Variants in FEM1B observed in about 807,000 individuals in gnomAD.
FEM1B encodes the protein fem-1 homolog B.
FEM1B carries 10 observed loss-of-function variants against 38.6 expected under a neutral mutation model. The ratio of observed to expected loss-of-function variants is 0.26; its 90% CI spans 0.16 to 0.44. The LOEUF (loss-of-function observed/expected upper bound fraction) is 0.44. Ranked by LOEUF, FEM1B falls within the 20% of genes least tolerant of loss-of-function variation. FEM1B has a pLI of 1.00. For synonymous variants in FEM1B, 288 were observed against 288.0 expected (o/e 1.00, Z 0.00); for missense variants, 471 against 786.7 (o/e 0.60, Z 4.80).
At chr15:68,285,202 TTTC>T (rs1892772933) in intron 1 of FEM1B, among the ~76,000 whole-genome samples, 1 of 152,316 alleles carries the variant, frequency 6.6e-6, no homozygotes, top group East Asian at 1.9e-4. Context: ...GTATCAGTAG[TTTC>T]TTTTTTTAAT....
At chr15:68,279,627 A>G (rs1279056108) in intron 1 of FEM1B, among the ~76,000 whole-genome samples, 5 of 151,992 alleles carry the variant, frequency 3.3e-5, no homozygotes, top group East Asian at 1.9e-4. Flanking sequence ...ATAAAAATAT[A>G]TATCTTTAGT....
In FEM1B at chr15:68,290,668, T is replaced by C. The variant is rs1355976241; in HGVS notation, c.1310T>C (p.Met437Thr). Residue 437 changes from methionine (M) to threonine (T), a missense_variant, in exon 2 of 2, where the codon ATG becomes ACG. Physicochemically the swap from Met to Thr is moderately conservative, Grantham distance 81. Coordinates refer to ENST00000306917, the MANE Select transcript of FEM1B (RefSeq NM_015322.5). The surrounding 1 kb of genome is among the most constrained non-coding windows in gnomAD (Gnocchi z 9.7). The part of the protein sequence containing the change: ...NISDADVHNA[M>T]DNYECNLYTF... The stretch of plus-strand genomic sequence containing the variant: ...TCAGATGCTGATGTCCACAATGCTA[T>C]GGACAATTATGAATGTAATCTCTAT... The C allele has an allele frequency of 4.3e-6, 7 of 1,613,846 alleles. No homozygotes were observed. The highest frequency in any genetic ancestry group is 5.1e-6 in the Non-Finnish European group (6 of 1,179,822).
Position 68,289,973 on chromosome 15 carries a change from G to A in FEM1B, c.615G>A (p.Glu205=). Residue 205 remains glutamate, a synonymous_variant, in exon 2 of 2, where the codon GAG becomes GAA. Coordinates refer to ENST00000306917, the MANE Select transcript of FEM1B (RefSeq NM_015322.5). The surrounding 1 kb of genome is among the most constrained non-coding windows in gnomAD (Gnocchi z 6.9). ...AEAGHIDIVK[E]LIKWRAAIVV... Reference sequence around the variant, plus strand: ...CTGGGCACATAGATATTGTGAAAGAGCTGATAAAATGGCGTGCTGCTATAG... The same window carrying A: ...CTGGGCACATAGATATTGTGAAAGAACTGATAAAATGGCGTGCTGCTATAG... 1 of 1,614,220 alleles carries A rather than the reference G, an allele frequency of 6.2e-7. No individual in the cohort carries two copies. The highest frequency in any genetic ancestry group is 1.1e-5 in the South Asian group (1 of 91,086).
rs1892691657 is a variant in FEM1B, at chr15:68,278,725, C to T, written c.248+60C>T. 1.9e-6 allele frequency: 3 copies of T among 1,594,516 alleles called. No individual in the cohort carries two copies. The highest frequency in any genetic ancestry group is 1.1e-5 in the South Asian group (1 of 89,912). On this transcript the variant is annotated intron_variant, in intron 1 of 1. Coordinates refer to ENST00000306917, the MANE Select transcript of FEM1B (RefSeq NM_015322.5). This position sits in a 1 kb window ranked among gnomAD's most constrained non-coding sequence, Gnocchi z 5.7. ...GCGCGGACTCGTTAATTCACGGGCC[C>T]TCCCCTCCCTCACCCTCTCTTACCC... is the stretch of plus-strand genomic sequence containing the variant.
Position 68,284,268 on chromosome 15 carries a change from G to T in FEM1B, c.249-5339G>T, listed in dbSNP as rs1212998368. The stretch of plus-strand genomic sequence containing the variant: ...AATAGTATAATAGGGCATAATAATA[G>T]TACCTACCTCACAGGATTATTGTGA... On this transcript the variant is annotated intron_variant, in intron 1 of 1. Coordinates refer to ENST00000306917, the MANE Select transcript of FEM1B (RefSeq NM_015322.5). This position sits in a 1 kb window ranked among gnomAD's most constrained non-coding sequence, Gnocchi z 4.4. Among the ~76,000 whole-genome samples, 3 of 151,966 alleles carry T rather than the reference G, an allele frequency of 2.0e-5. No individual in the cohort carries two copies. The highest frequency in any genetic ancestry group is 7.3e-5 in the African/African-American group (3 of 41,362).
At position 68,294,290 on chromosome 15, in the gene FEM1B, T is replaced by A. The variant is rs987468997; in HGVS notation, c.*3048T>A. ...GGTTCTTTGCTGTGGGAATTTTAAA[T>A]AAACCAAACCCCAAAGCAGACCATC... is the stretch of plus-strand genomic sequence containing the variant. On this transcript the variant is annotated 3_prime_UTR_variant, in exon 2 of 2. Coordinates refer to ENST00000306917, the MANE Select transcript of FEM1B (RefSeq NM_015322.5). This position sits in a 1 kb window ranked among gnomAD's most constrained non-coding sequence, Gnocchi z 4.4. 1 of 151,628 alleles carries A rather than the reference T, an allele frequency of 6.6e-6. No homozygotes were observed. Among genetic ancestry groups the A allele is most frequent in the African/African-American group, 2.4e-5 (1 of 40,908 alleles). 9.4% of individuals were successfully genotyped at this position (151,628 alleles called of 1,614,324 possible).
chr15:68,278,363 G>A lies in FEM1B; in HGVS notation c.-55G>A, dbSNP rs1009989798. ...GCGCTGGCGAACGCGGCCTCCGGGG[G>A]CGCACGGCAGCTGCAGCGGTGGCGA... On this transcript the variant is annotated 5_prime_UTR_variant, in exon 1 of 2. Transcript: ENST00000306917. This position sits in a 1 kb window ranked among gnomAD's most constrained non-coding sequence, Gnocchi z 5.7. 10 of 1,567,262 alleles carry A rather than the reference G, an allele frequency of 6.4e-6. No homozygotes were observed. The highest frequency in any genetic ancestry group is 8.7e-6 in the Non-Finnish European group (10 of 1,155,850).
rs983663907 is a variant in FEM1B at position 68,295,519 on chromosome 15, CCT to C, written c.*4278_*4279del. 3.9e-5 allele frequency: 6 copies of C among 152,004 alleles called. No individual in the cohort carries two copies. Among genetic ancestry groups the C allele is most frequent in the African/African-American group, 1.5e-4 (6 of 41,378 alleles). The allele number at this position is 152,004 out of a possible 1,614,324, so 9.4% of individuals were successfully genotyped here. A position where few individuals can be genotyped will look rare whatever the true frequency, so the allele number is the denominator to read the frequency against. ...GACTGGCCTAATCGATGGAAAAGACCCTGTCCTTTTCACCCCATCCTGCAATC... is the reference window on the plus strand; with the variant it reads ...GACTGGCCTAATCGATGGAAAAGACCGTCCTTTTCACCCCATCCTGCAATC... On this transcript the variant is annotated 3_prime_UTR_variant, in exon 2 of 2. Coordinates refer to ENST00000306917, the MANE Select transcript of FEM1B (RefSeq NM_015322.5).
At position 68,278,271 on chromosome 15, in the gene FEM1B, A is replaced by G. The variant is rs188776003; in HGVS notation, c.-147A>G. On this transcript the variant is annotated 5_prime_UTR_variant, in exon 1 of 2. Coordinates refer to ENST00000306917, the MANE Select transcript of FEM1B (RefSeq NM_015322.5). The surrounding 1 kb of genome is among the most constrained non-coding windows in gnomAD (Gnocchi z 5.7). ...TGCGTCTCCGCCTTCCCTGGGCCGC[A>G]CTGCTGCCTGGGCGCGGCGGCGGCG... 1.1e-4 allele frequency: 115 copies of G among 1,080,748 alleles called. No homozygotes were observed. The African/African-American group carries it at 1.7e-3, about 16-fold the overall frequency. The allele number at this position is 1,080,748 out of a possible 1,614,324, so 66.9% of individuals were successfully genotyped here. A position where few individuals can be genotyped will look rare whatever the true frequency, so the allele number is the denominator to read the frequency against.
Position 68,281,641 on chromosome 15 carries a change from G to A in FEM1B, c.248+2976G>A, listed in dbSNP as rs572548429. On this transcript the variant is annotated intron_variant, in intron 1 of 1. Coordinates refer to ENST00000306917, the MANE Select transcript of FEM1B (RefSeq NM_015322.5). The surrounding 1 kb of genome is among the most constrained non-coding windows in gnomAD (Gnocchi z 5.1). ...CTTGTTCACTTTTTTTTTTTGAGAC[G>A]GAGTCTCGCTCTGTCGCCGGGGCTG... Among the ~76,000 whole-genome samples the A allele has an allele frequency of 3.9e-4, 59 of 151,676 alleles. No homozygotes were observed. The highest frequency in any genetic ancestry group is 1.3e-3 in the African/African-American group (55 of 41,276).
Position 68,277,807 on chromosome 15 carries a change from C to T in FEM1B, c.-611C>T, listed in dbSNP as rs1892672447. ...TCCCCGCCCAAGTTCCGGCGCCGCT[C>T]TTGCGGGAGCGTTCCGCATCGCCCC... On this transcript the variant is annotated 5_prime_UTR_variant, in exon 1 of 2. Coordinates refer to ENST00000306917, the MANE Select transcript of FEM1B (RefSeq NM_015322.5). 1 of 152,332 alleles carries T rather than the reference C, an allele frequency of 6.6e-6. No individual in the cohort carries two copies. Among genetic ancestry groups the T allele is most frequent in the African/African-American group, 2.4e-5 (1 of 41,474 alleles). 9.4% of individuals were successfully genotyped at this position (152,332 alleles called of 1,614,324 possible).
Position 68,290,593 on chromosome 15 carries a change from G to C in FEM1B, c.1235G>C (p.Arg412Thr). ...VKAPDIECVL[R>T]CSVLEIEQSM... is the part of the protein sequence containing the mutation. ...GCCCCAGACATAGAATGTGTTTTGA[G>C]ATGCAGTGTTTTGGAAATAGAACAA... Residue 412 changes from arginine to threonine, a missense_variant, in exon 2 of 2, where the codon AGA becomes ACA. Transcript: ENST00000306917. This position sits in a 1 kb window ranked among gnomAD's most constrained non-coding sequence, Gnocchi z 9.7. The C allele has an allele frequency of 6.2e-7, 1 of 1,614,220 alleles. No individual in the cohort carries two copies. Among genetic ancestry groups the C allele is most frequent in the Non-Finnish European group, 8.5e-7 (1 of 1,180,038 alleles).
rs954709234 is a variant in FEM1B at position 68,280,118 on chromosome 15, G to A, written c.248+1453G>A. The A allele has an allele frequency of 6.6e-6, 1 of 152,094 alleles. No individual in the cohort carries two copies. Among genetic ancestry groups the A allele is most frequent in the African/African-American group, 2.4e-5 (1 of 41,406 alleles). The allele number at this position is 152,094 out of a possible 1,614,324, so 9.4% of individuals were successfully genotyped here. ...CAATGTGCATAAGGGAGAATAGTGG[G>A]GAGAAAAAAGAGTTAAGAATTTCGA... On this transcript the variant is annotated intron_variant, in intron 1 of 1. Transcript: ENST00000306917. This position sits in a 1 kb window ranked among gnomAD's most constrained non-coding sequence, Gnocchi z 4.2.
chr15:68,285,145 T>C (rs1381787109), intron 1 of FEM1B, among the ~76,000 whole-genome samples: 2 of 152,232 alleles, frequency 1.3e-5, no homozygotes, highest in African/African-American at 2.4e-5. Flanking sequence ...TTGTTTGGCT[T>C]TTTTCGCTTA....
rs1892897034 is a variant in FEM1B, at chr15:68,295,547, C to G, written c.*4305C>G. The G allele has an allele frequency of 1.3e-5, 2 of 152,168 alleles. No homozygotes were observed. Among genetic ancestry groups the G allele is most frequent in the African/African-American group, 4.8e-5 (2 of 41,430 alleles). The allele number at this position is 152,168 out of a possible 1,614,324, so 9.4% of individuals were successfully genotyped here. ...GTCCTTTTCACCCCATCCTGCAATC[C>G]TCCGTGCAGAGGAACTACACTGTTG... On this transcript the variant is annotated 3_prime_UTR_variant, in exon 2 of 2. Transcript: ENST00000306917.
At chr15:68,283,875 C>A (rs1346144634) in intron 1 of FEM1B, among the ~76,000 whole-genome samples, 2 of 149,886 alleles carry the variant, frequency 1.3e-5, no homozygotes, top group Non-Finnish European at 3.0e-5. Flanking sequence ...TATTTTTAAT[C>A]TCACGTAAAC....
At chr15:68,282,287 T>C (rs1314922543) in intron 1 of FEM1B, among the ~76,000 whole-genome samples, 1 of 152,084 alleles carries the variant, frequency 6.6e-6, no homozygotes, top group Non-Finnish European at 1.5e-5. Context: ...GTGCTAGTAC[T>C]AATACTTCTG....
Position 68,278,267 on chromosome 15 carries a change from C to A in FEM1B, c.-151C>A. The A allele has an allele frequency of 1.9e-6, 2 of 1,028,766 alleles. No homozygotes were observed. Among genetic ancestry groups the A allele is most frequent in the Non-Finnish European group, 2.8e-6 (2 of 725,888 alleles). 63.7% of individuals were successfully genotyped at this position (1,028,766 alleles called of 1,614,324 possible). A position where few individuals can be genotyped will look rare whatever the true frequency, so the allele number is the denominator to read the frequency against. On this transcript the variant is annotated 5_prime_UTR_variant, in exon 1 of 2. Transcript: ENST00000306917. The surrounding 1 kb of genome is among the most constrained non-coding windows in gnomAD (Gnocchi z 5.7). ...CCTCTGCGTCTCCGCCTTCCCTGGG[C>A]CGCACTGCTGCCTGGGCGCGGCGGC...
rs1427304732 is a variant in FEM1B at position 68,290,113 on chromosome 15, C to T, written c.755C>T (p.Ala252Val). 5 of 1,614,130 alleles carry T rather than the reference C, an allele frequency of 3.1e-6. No individual in the cohort carries two copies. The highest frequency in any genetic ancestry group is 2.2e-5 in the East Asian group (1 of 44,890). The change falls in exon 2 of 2, where the codon GCT (alanine) becomes GTT (valine). Residue 252 changes from alanine to valine, a missense_variant. Physicochemically the swap from Ala to Val is moderately conservative, Grantham distance 64. Around this residue, in one of 3 missense-constraint regions of FEM1B, gnomAD observed 380 missense variants for 599.6 expected, o/e 0.63. Coordinates refer to ENST00000306917, the MANE Select transcript of FEM1B (RefSeq NM_015322.5). The surrounding 1 kb of genome is among the most constrained non-coding windows in gnomAD (Gnocchi z 9.7). ...ADCDRRSRIE[A>V]LELLGASFAN... Reference sequence around the variant, plus strand: ...TGCGACCGAAGAAGTCGGATTGAAGCTTTGGAACTCTTGGGTGCCTCCTTT... The same window carrying T: ...TGCGACCGAAGAAGTCGGATTGAAGTTTTGGAACTCTTGGGTGCCTCCTTT...
Sources: allele counts gnomAD v4.1 joint callset (sites outside exome capture counted in the v4.1 genomes callset), GRCh38; gene constraint gnomAD v4.1.1; regional missense constraint gnomAD v4.1.1; non-coding constraint Gnocchi (gnomAD v3.1); transcripts MANE v1.5; gene names NCBI Gene and HGNC (gene_info 2026-07-23, HGNC 2026-07-21).